CSPP1: variants seen among roughly 807,000 people sequenced by gnomAD.
CSPP1 encodes centrosome and spindle pole associated protein 1, also known as centrosome and spindle pole-associated protein 1.
In CSPP1, 126 loss-of-function variants were observed where a neutral mutation model predicts 164.4. The ratio of observed to expected loss-of-function variants is 0.77; its 90% CI spans 0.66 to 0.89. The LOEUF is 0.89. Ranked by LOEUF, CSPP1 falls within the 40% of genes least tolerant of loss-of-function variation. CSPP1 has a pLI of 0.00. For missense variants in CSPP1, 1,395 were observed against 1,449.8 expected (o/e 0.96, Z 0.61); for synonymous variants, 472 against 476.7 (o/e 0.99, Z 0.13).
At chr8:67,166,975 C>T (rs1299484454) in intron 24 of CSPP1, among the ~76,000 whole-genome samples, 2 of 152,148 alleles carry the variant, frequency 1.3e-5, no homozygotes, top group Non-Finnish European at 2.9e-5. Context: ...GCACATCTTG[C>T]ACCGCCCTTA....
chr8:67,087,869 C>T (rs1041709971), intron 4 of CSPP1, among the ~76,000 whole-genome samples: 49 of 152,202 alleles, frequency 3.2e-4, no homozygotes, highest in Non-Finnish European at 4.0e-4. Flanking sequence ...TAGAGACTCT[C>T]ATTGTGTTAA....
intron 20 of CSPP1, 95 bp from the exon 21 acceptor site, chr8:67,158,896 C>T (rs1328153066): frequency 1.8e-6 from 2 of 1,091,456 alleles, no homozygotes; most frequent in South Asian, 1.7e-5. Context: ...TCATCTATAT[C>T]TTTATCTCAT....
chr8:67,188,678 G>A (rs968648202), intron 28 of CSPP1, among the ~76,000 whole-genome samples: 3 of 152,122 alleles, frequency 2.0e-5, no homozygotes, highest in South Asian at 2.1e-4. Flanking sequence ...GTTTGCCGCC[G>A]TTGCAGACCT....
intron 28 of CSPP1, among the ~76,000 whole-genome samples, chr8:67,184,943 C>CAAA (rs796384901): frequency 7.0e-4 from 39 of 56,066 alleles, no homozygotes; most frequent in Non-Finnish European, 1.2e-3. Context: ...ACTAAAAATA[C>CAAA]AAAAAAAAAA....
At chr8:67,156,617 A>G (rs1826717491) in intron 19 of CSPP1, among the ~76,000 whole-genome samples, 1 of 152,172 alleles carries the variant, frequency 6.6e-6, no homozygotes, top group Non-Finnish European at 1.5e-5. Context: ...TCAACAATAT[A>G]ATGTCAGATA....
rs1459884014 is a variant in CSPP1, at chr8:67,196,383, A to ATAAG, written c.*792_*795dup. On this transcript the variant is annotated 3_prime_UTR_variant, in exon 31 of 31. Coordinates refer to ENST00000678616, the MANE Select transcript of CSPP1 (RefSeq NM_001382391.1). The stretch of plus-strand genomic sequence containing the variant: ...TTCTTCTTCCACCATGGAACCTTGG[A>ATAAG]TAAGTGAGTCCATGTGAGTTTTCTA... 1.3e-5 allele frequency: 2 copies of ATAAG among 152,212 alleles called. No individual in the cohort carries two copies. The highest frequency in any genetic ancestry group is 2.4e-5 in the African/African-American group (1 of 41,456). 9.4% of individuals were successfully genotyped at this position (152,212 alleles called of 1,614,324 possible). A position where few individuals can be genotyped will look rare whatever the true frequency, so the allele number is the denominator to read the frequency against.
chr8:67,178,709 G>C (rs551863809), intron 27 of CSPP1, among the ~76,000 whole-genome samples: 2 of 152,274 alleles, frequency 1.3e-5, no homozygotes, highest in South Asian at 2.1e-4. Context: ...GAACATTCCA[G>C]GAAGAGGCCC....
At chr8:67,178,787 A>G (rs1046071089) in intron 27 of CSPP1, among the ~76,000 whole-genome samples, 3 of 152,158 alleles carry the variant, frequency 2.0e-5, no homozygotes, top group Non-Finnish European at 4.4e-5. Flanking sequence ...AGTTGGGCAC[A>G]TGGGGCAGGG....
chr8:67,159,157 G>A lies in CSPP1; in HGVS notation c.2538+20G>A, dbSNP rs1369911661. The A allele has an allele frequency of 6.3e-7, 1 of 1,590,488 alleles. No homozygotes were observed. Among genetic ancestry groups the A allele is most frequent in the African/African-American group, 1.4e-5 (1 of 73,392 alleles). The stretch of plus-strand genomic sequence containing the variant: ...ACAAAGGTAAGTTTCAGACAAAAAT[G>A]TCAATCAAACCCATAGTTTAACTCA... On this transcript the variant is annotated intron_variant, in intron 21 of 30. Transcript: ENST00000678616.
At chr8:67,121,138 C>T (rs1459930498) in intron 15 of CSPP1, among the ~76,000 whole-genome samples, 1 of 152,126 alleles carries the variant, frequency 6.6e-6, no homozygotes, top group Non-Finnish European at 1.5e-5. Context: ...CAGGTGTGAG[C>T]CACTGCGCCT....
chr8:67,095,921 C>G (rs1388251294), intron 7 of CSPP1, among the ~76,000 whole-genome samples, 189 bp downstream of exon 7: 1 of 152,098 alleles, frequency 6.6e-6, no homozygotes, highest in Non-Finnish European at 1.5e-5. Context: ...AGAAAACACT[C>G]AAGGTGGGGG....
intron 28 of CSPP1, among the ~76,000 whole-genome samples, chr8:67,185,441 G>T (rs1834312822): frequency 6.6e-6 from 1 of 152,232 alleles, no homozygotes; most frequent in African/African-American, 2.4e-5. Context: ...TGAAGCAGAG[G>T]CAATGAATTA....
At chr8:67,137,241 T>C (rs1325550021) in intron 16 of CSPP1, among the ~76,000 whole-genome samples, 6 of 151,812 alleles carry the variant, frequency 4.0e-5, no homozygotes, top group East Asian at 1.9e-4. Flanking sequence ...TTGGCCTCCA[T>C]AGGCATGAGC....
At chr8:67,180,259 T>C (rs1258988806) in intron 28 of CSPP1, among the ~76,000 whole-genome samples, 1 of 152,180 alleles carries the variant, frequency 6.6e-6, no homozygotes, top group Non-Finnish European at 1.5e-5. Flanking sequence ...GAATACCACT[T>C]AGCAATAAAA....
intron 28 of CSPP1, among the ~76,000 whole-genome samples, chr8:67,190,059 C>T (rs1025732234): frequency 6.6e-6 from 1 of 152,138 alleles, no homozygotes; most frequent in Non-Finnish European, 1.5e-5. Context: ...CCATAATACC[C>T]AGCAATTTCA....
intron 17 of CSPP1, among the ~76,000 whole-genome samples, chr8:67,139,832 G>A (rs948586267): frequency 2.6e-5 from 4 of 152,116 alleles, no homozygotes; most frequent in African/African-American, 7.2e-5. Context: ...ATCACACACC[G>A]GGGCCTGTTG....
In CSPP1 at chr8:67,195,631, T is replaced by TGAAAG; in HGVS notation, c.*42_*46dup. The TGAAAG allele has an allele frequency of 5.1e-6, 8 of 1,564,412 alleles. No individual in the cohort carries two copies. The South Asian group carries it at 5.6e-5, about 11-fold the overall frequency. Reference sequence around the variant, plus strand: ...CTGGACCCAGTAGTGCCTTTTAAGGTGAAAGGAATGGTAAATCTGTACCTT... The same window carrying TGAAAG: ...CTGGACCCAGTAGTGCCTTTTAAGGTGAAAGGAAAGGAATGGTAAATCTGTACCTT... On this transcript the variant is annotated 3_prime_UTR_variant, in exon 31 of 31. Transcript: ENST00000678616.
intron 3 of CSPP1, among the ~76,000 whole-genome samples, chr8:67,079,684 T>C (rs1808750628): frequency 6.6e-6 from 1 of 152,256 alleles, no homozygotes; most frequent in Non-Finnish European, 1.5e-5. Context: ...TCTTATATGA[T>C]AAATTTGCCA....
chr8:67,067,388 C>G (rs1805794300), intron 1 of CSPP1, among the ~76,000 whole-genome samples: 1 of 152,190 alleles, frequency 6.6e-6, no homozygotes, highest in Non-Finnish European at 1.5e-5. Flanking sequence ...ATTATGATAA[C>G]CAAGTATCAA....
Sources: allele counts gnomAD v4.1 joint callset (sites outside exome capture counted in the v4.1 genomes callset), GRCh38; gene constraint gnomAD v4.1.1; transcripts MANE v1.5; gene names NCBI Gene and HGNC (gene_info 2026-07-23, HGNC 2026-07-21).